Variants in CEP120 observed in about 807,000 individuals in gnomAD.
CEP120 encodes centrosomal protein 120, also known as centrosomal protein of 120 kDa.
CEP120 carries 113 observed loss-of-function variants against 126.5 expected under a neutral mutation model. The ratio of observed to expected loss-of-function variants is 0.89; its 90% CI spans 0.77 to 1.04. The LOEUF is 1.04. Among genes scored for constraint, CEP120 ranks in the 50% least tolerant of loss-of-function variants. The pLI is 0.00. For synonymous variants in CEP120, 400 were observed against 394.3 expected (o/e 1.01, Z -0.17); for missense variants, 1,230 against 1,155.7 (o/e 1.06, Z -0.93).
chr5:123,347,731 G>A (rs577824869), intron 19 of CEP120, among the ~76,000 whole-genome samples: 4 of 152,104 alleles, frequency 2.6e-5, no homozygotes, highest in Admixed American at 2.0e-4. Context: ...CTGCAGCCTC[G>A]ACCTCCTGGG....
In CEP120 at chr5:123,384,994, G is replaced by A. The variant is rs1336252873; in HGVS notation, c.1720C>T (p.Arg574Cys). The A allele has an allele frequency of 4.3e-6, 7 of 1,613,090 alleles. No individual in the cohort carries two copies. Among genetic ancestry groups the A allele is most frequent in the Admixed American group, 1.7e-5 (1 of 59,914 alleles). ...GGCACACTTTCACTGTAAGTTTGACGCCAACACTGTTCACCATTAGAACCT... is the reference window on the plus strand; with the variant it reads ...GGCACACTTTCACTGTAAGTTTGACACCAACACTGTTCACCATTAGAACCT... ...FLGSNGEQCWRQTYSESVPVI... is the reference protein window; with the variant it reads ...FLGSNGEQCWCQTYSESVPVI... The change falls in exon 11 of 20, where the codon CGT (arginine) becomes TGT (cysteine). Residue 574 changes from arginine to cysteine, a missense_variant. By Grantham distance (180) the Arg-to-Cys change is radical (BLOSUM62 -3). Coordinates refer to ENST00000306467, the MANE Select transcript of CEP120 (RefSeq NM_001375405.1).
intron 19 of CEP120, among the ~76,000 whole-genome samples, 160 bp downstream of exon 19, chr5:123,349,767 GTGCTAGGATTACAGGCA>G (rs1323247734): frequency 6.6e-6 from 1 of 152,044 alleles, no homozygotes. Flanking sequence ...TCCTCTCAAA[GTGCTAGGATTACAGGCA>G]TGCGCCACAG....
At chr5:123,422,300 G>T (rs941970408) in intron 1 of CEP120, among the ~76,000 whole-genome samples, 4 of 152,034 alleles carry the variant, frequency 2.6e-5, no homozygotes, top group Non-Finnish European at 2.9e-5. Flanking sequence ...AGACAGAGGT[G>T]GTCATTCATT....
At position 123,418,438 on chromosome 5, in the gene CEP120, G is replaced by C. The variant is rs751516596; in HGVS notation, c.127C>G (p.Pro43Ala). Reference sequence around the variant, plus strand: ...TCTGGCTGGTCAGTGTGGTCCACAGGATCAGTAGCCAACTGTTCTCCATCA... The same window carrying C: ...TCTGGCTGGTCAGTGTGGTCCACAGCATCAGTAGCCAACTGTTCTCCATCA... ...KFDGEQLATD[P>A]VDHTDQPEFA... The change falls in exon 2 of 20, where the codon CCT becomes GCT. Residue 43 changes from proline to alanine, a missense_variant. By Grantham distance (27) the Pro-to-Ala change is conservative. Transcript: ENST00000306467. The C allele has an allele frequency of 1.9e-6, 3 of 1,612,950 alleles. No homozygotes were observed. The highest frequency in any genetic ancestry group is 3.3e-5 in the Admixed American group (2 of 59,988).
At chr5:123,410,138 A>C (rs2127121743) in intron 4 of CEP120, among the ~76,000 whole-genome samples, 1 of 152,286 alleles carries the variant, frequency 6.6e-6, no homozygotes, top group South Asian at 2.1e-4. Flanking sequence ...TTCGTATATA[A>C]ATCTAACAAA....
In CEP120 at chr5:123,423,168, G is replaced by C; in HGVS notation, c.-170C>G. ...ACCGCCGTCTGCTGCAGCGCGCCCG[G>C]CTCCTCTGCCTCGGGCCGCCAGCCC... On this transcript the variant is annotated 5_prime_UTR_variant, in exon 1 of 20. Coordinates refer to ENST00000306467, the MANE Select transcript of CEP120 (RefSeq NM_001375405.1). 1.6e-6 allele frequency: 1 copy of C among 622,106 alleles called. No individual in the cohort carries two copies. The highest frequency in any genetic ancestry group is 2.9e-6 in the Non-Finnish European group (1 of 349,164). 38.5% of individuals were successfully genotyped at this position (622,106 alleles called of 1,614,324 possible). A position where few individuals can be genotyped will look rare whatever the true frequency, so the allele number is the denominator to read the frequency against.
intron 17 of CEP120, among the ~76,000 whole-genome samples, chr5:123,371,596 C>T (rs1251336540): frequency 6.6e-6 from 1 of 151,998 alleles, no homozygotes; most frequent in Non-Finnish European, 1.5e-5. Context: ...GCTCTGTTGT[C>T]CAGTGAACTA....
At chr5:123,372,563 A>G in intron 17 of CEP120, 87 bp downstream of exon 17, 1 of 1,331,348 alleles carries the variant, frequency 7.5e-7, no homozygotes, top group Non-Finnish European at 1.1e-6. Context: ...CTACAGCAAA[A>G]CATTATTATA....
rs1480514166 is a variant in CEP120 at position 123,423,077 on chromosome 5, C to T, written c.-79G>A. 1 of 1,258,704 alleles carries T rather than the reference C, an allele frequency of 7.9e-7. No homozygotes were observed. Among genetic ancestry groups the T allele is most frequent in the Non-Finnish European group, 1.2e-6 (1 of 864,262 alleles). 78.0% of individuals were successfully genotyped at this position (1,258,704 alleles called of 1,614,324 possible). A position where few individuals can be genotyped will look rare whatever the true frequency, so the allele number is the denominator to read the frequency against. Reference sequence around the variant, plus strand: ...TTGAGTCGCGGGTAATCCGGGACCCCCGGCGGGACCCCCACTGCCCGCCCC... The same window carrying T: ...TTGAGTCGCGGGTAATCCGGGACCCTCGGCGGGACCCCCACTGCCCGCCCC... On this transcript the variant is annotated 5_prime_UTR_variant, in exon 1 of 20. Transcript: ENST00000306467.
chr5:123,378,578 A>C, intron 14 of CEP120, 150 bp from the exon 15 acceptor site: 1 of 488,830 alleles, frequency 2.0e-6, no homozygotes, highest in Non-Finnish European at 3.5e-6. Flanking sequence ...TCAAAGAAAA[A>C]AATGTGCTTT....
Position 123,364,482 on chromosome 5 carries a change from T to C in CEP120, c.2580+14A>G, listed in dbSNP as rs1165910218. On this transcript the variant is annotated intron_variant, in intron 18 of 19. Coordinates refer to ENST00000306467, the MANE Select transcript of CEP120 (RefSeq NM_001375405.1). ...GGAAAAAGATATAAAAAGAATAAGC[T>C]ATAAACTACATACCTGTTTAAGTCT... 6.5e-7 allele frequency: 1 copy of C among 1,549,392 alleles called. No homozygotes were observed. The highest frequency in any genetic ancestry group is 1.2e-5 in the South Asian group (1 of 86,586).
intron 4 of CEP120, among the ~76,000 whole-genome samples, chr5:123,411,556 G>A (rs1774060709): frequency 6.6e-6 from 1 of 152,166 alleles, no homozygotes; most frequent in African/African-American, 2.4e-5. Context: ...TAACTTACAT[G>A]CACTTATGAC....
chr5:123,377,550 A>G lies in CEP120; in HGVS notation c.2197-15T>C. The G allele has an allele frequency of 6.4e-7, 1 of 1,567,724 alleles. No homozygotes were observed. Among genetic ancestry groups the G allele is most frequent in the Non-Finnish European group, 8.6e-7 (1 of 1,167,088 alleles). ...TCTCTTTGAAGCTTAAAACAAAGGCATCTTTAAGAGGTTGGTTTATTGCTA... is the reference window on the plus strand; with the variant it reads ...TCTCTTTGAAGCTTAAAACAAAGGCGTCTTTAAGAGGTTGGTTTATTGCTA... On this transcript the variant is annotated splice_polypyrimidine_tract_variant and intron_variant, in intron 15 of 19. Coordinates refer to ENST00000306467, the MANE Select transcript of CEP120 (RefSeq NM_001375405.1).
Position 123,391,188 on chromosome 5 carries a change from C to A in CEP120, c.960G>T (p.Lys320Asn). The A allele has an allele frequency of 6.2e-7, 1 of 1,614,178 alleles. No homozygotes were observed. Among genetic ancestry groups the A allele is most frequent in the East Asian group, 2.2e-5 (1 of 44,878 alleles). The part of the protein sequence containing the change: ...TLDPPNRAKQ[K>N]LAPIPVELAP... ...CTAGCTCCACAGGAATAGGTGCAAG[C>A]TTCTGTTTGGCTCTGTTTGGAGGGT... is the stretch of plus-strand genomic sequence containing the variant. The change falls in exon 7 of 20, where the codon AAG (lysine) becomes AAT (asparagine). Residue 320 changes from lysine (K) to asparagine (N), a missense_variant. By Grantham distance (94) the Lys-to-Asn change is moderately conservative. Coordinates refer to ENST00000306467, the MANE Select transcript of CEP120 (RefSeq NM_001375405.1).
Position 123,399,209 on chromosome 5 carries a change from A to G in CEP120, c.539T>C (p.Ile180Thr). ...GTCAGTACAGTATTCTGCTGGTCCA[A>G]TCTGATGGTAGCCTCCCTCTTCATT... ...VLNEEGGYHQIGPAEYCTDSF... is the reference protein window; with the variant it reads ...VLNEEGGYHQTGPAEYCTDSF... Residue 180 changes from isoleucine (I) to threonine (T), a missense_variant, in exon 5 of 20, where the codon ATT (isoleucine) becomes ACT (threonine). Ile to Thr is a moderately conservative substitution (Grantham distance 89). Coordinates refer to ENST00000306467, the MANE Select transcript of CEP120 (RefSeq NM_001375405.1). 3 of 1,614,086 alleles carry G rather than the reference A, an allele frequency of 1.9e-6. No homozygotes were observed. Among genetic ancestry groups the G allele is most frequent in the Non-Finnish European group, 2.5e-6 (3 of 1,179,918 alleles).
intron 4 of CEP120, among the ~76,000 whole-genome samples, chr5:123,404,097 T>TA (rs760296762): frequency 1.3e-5 from 2 of 152,210 alleles, no homozygotes; most frequent in Non-Finnish European, 2.9e-5. Flanking sequence ...CTCTAATAAA[T>TA]ACTCCAAATA....
chr5:123,422,931 C>A lies in CEP120; in HGVS notation c.49+19G>T. 6.2e-7 allele frequency: 1 copy of A among 1,613,018 alleles called. No individual in the cohort carries two copies. The highest frequency in any genetic ancestry group is 1.6e-4 in the Middle Eastern group (1 of 6,062). On this transcript the variant is annotated intron_variant, in intron 1 of 19. Transcript: ENST00000306467. ...ACTCGGGAGGCAGCAGTTGCAAAAG[C>A]AAGCCTCAGGCTGCTCACCTTCTAG...
intron 17 of CEP120, among the ~76,000 whole-genome samples, chr5:123,366,426 C>G (rs544165727): frequency 6.6e-6 from 1 of 151,902 alleles, no homozygotes; most frequent in East Asian, 1.9e-4. Flanking sequence ...GACCTACAGT[C>G]CATTCAGAGG....
chr5:123,400,104 C>T (rs745687465), intron 4 of CEP120, among the ~76,000 whole-genome samples: 1 of 152,120 alleles, frequency 6.6e-6, no homozygotes, highest in African/African-American at 2.4e-5. Context: ...CATGTGCATA[C>T]CCTATAAACG....
Sources: gnomAD v4.1 joint callset for allele counts (sites outside exome capture counted in the v4.1 genomes callset) on GRCh38, gnomAD v4.1.1 for gene constraint, MANE v1.5 for transcripts, NCBI Gene and HGNC (gene_info 2026-07-23, HGNC 2026-07-21) for gene names.